The following CTBP2 variants were observed in gnomAD, a reference collection of about 807,000 sequenced individuals.
CTBP2 encodes C-terminal-binding protein 2.
In CTBP2, 30 loss-of-function variants were observed where a neutral mutation model predicts 80.3. That is an observed-to-expected ratio of 0.37 (90% CI 0.28 to 0.51). The LOEUF (loss-of-function observed/expected upper bound fraction) is 0.51, where lower values mean the gene tolerates loss of function less well. Among genes scored for constraint, CTBP2 ranks in the 20% least tolerant of loss-of-function variants. CTBP2 has a pLI of 0.93. For missense variants in CTBP2, 1,212 were observed against 1,375.3 expected (o/e 0.88, Z 1.88); for synonymous variants, 594 against 587.4 (o/e 1.01, Z -0.16).
chr10:125,123,543 T>C (rs561561386), intron 1 of CTBP2, among the ~76,000 whole-genome samples: 68 of 152,378 alleles, frequency 4.5e-4, no homozygotes, highest in African/African-American at 1.5e-3. Context: ...TTTTGGTTTA[T>C]GTGGTTTAGC....
chr10:125,069,277 T>C (rs1845098833), intron 2 of CTBP2, among the ~76,000 whole-genome samples: 1 of 152,204 alleles, frequency 6.6e-6, no homozygotes, highest in South Asian at 2.1e-4. Context: ...GTATTGGAAT[T>C]AGTCCAACTT....
At chr10:125,132,832 C>T (rs1489303745) in intron 1 of CTBP2, among the ~76,000 whole-genome samples, 2 of 152,200 alleles carry the variant, frequency 1.3e-5, no homozygotes, top group Admixed American at 6.5e-5. Flanking sequence ...ATTTGGTAAA[C>T]AGCAGAGTGC....
chr10:125,062,448 C>T (rs1045558715), intron 2 of CTBP2, among the ~76,000 whole-genome samples: 3 of 85,518 alleles, frequency 3.5e-5, no homozygotes, highest in African/African-American at 1.0e-4. Context: ...AACACTGTAA[C>T]GTGGGGACAA....
chr10:124,991,927 C>T (rs529337388), intron 8 of CTBP2, among the ~76,000 whole-genome samples: 225 of 148,730 alleles, frequency 1.5e-3, no homozygotes, highest in African/African-American at 5.1e-3. Context: ...CCGATTCGTG[C>T]ATGGAAAATA....
chr10:125,009,735 C>T lies in CTBP2; in HGVS notation c.1679-6243G>A, dbSNP rs192164886. 1.2e-4 allele frequency among the ~76,000 whole-genome samples: 18 copies of T among 152,294 alleles called. No homozygotes were observed. In the East Asian group the frequency reaches 1.7e-3, roughly 15 times the overall value. On this transcript the variant is annotated intron_variant, in intron 1 of 8. Transcript: ENST00000309035. ...TGGGGGCCAGATTCTGATGCTGGGA[C>T]GTACGCAAGTGCCTCTCAGACACTT...
At chr10:125,159,143 G>A (rs1271983146) in intron 1 of CTBP2, among the ~76,000 whole-genome samples, 1 of 151,004 alleles carries the variant, frequency 6.6e-6, no homozygotes, top group Non-Finnish European at 1.5e-5. Context: ...TCGGCCGCGC[G>A]GGGCCGTCCG....
chr10:125,151,551 CG>C (rs1859876002), intron 1 of CTBP2, among the ~76,000 whole-genome samples: 1 of 152,220 alleles, frequency 6.6e-6, no homozygotes, highest in African/African-American at 2.4e-5. Context: ...GAAATGATGC[CG>C]CTGTTTACCG....
chr10:125,046,580 T>C (rs1049382046), intron 2 of CTBP2, among the ~76,000 whole-genome samples: 1 of 147,478 alleles, frequency 6.8e-6, no homozygotes, highest in African/African-American at 2.5e-5. Context: ...GGCTAAGGAA[T>C]GTGGATCTGT....
At chr10:125,062,471 C>T (rs568145647) in intron 2 of CTBP2, among the ~76,000 whole-genome samples, 2 of 136,614 alleles carry the variant, frequency 1.5e-5, no homozygotes, top group East Asian at 2.2e-4. Flanking sequence ...CTGAAGGCTG[C>T]GGGGAGGTTC....
At chr10:125,108,530 T>C (rs1851803069) in intron 2 of CTBP2, among the ~76,000 whole-genome samples, 1 of 152,220 alleles carries the variant, frequency 6.6e-6, no homozygotes, top group Non-Finnish European at 1.5e-5. Context: ...CAATCCCACA[T>C]GACCTCCTTG....
At chr10:125,050,129 T>C (rs1962360614) in intron 2 of CTBP2, among the ~76,000 whole-genome samples, 1 of 152,202 alleles carries the variant, frequency 6.6e-6, no homozygotes, top group Admixed American at 6.5e-5. Flanking sequence ...GGATTATGTT[T>C]GCTTTATGAG....
At chr10:125,159,744 C>T (rs1591174782) in intron 1 of CTBP2, 2 of 149,582 alleles carry the variant, frequency 1.3e-5, no homozygotes, top group African/African-American at 2.4e-5. Flanking sequence ...GCGCAAGGCC[C>T]GCCGCACCCC....
intron 1 of CTBP2, among the ~76,000 whole-genome samples, chr10:125,118,268 T>G (rs77159744): frequency 6.6e-6 from 1 of 152,204 alleles, no homozygotes; most frequent in African/African-American, 2.4e-5. Flanking sequence ...AAGGAGGAAC[T>G]TGAAGCCCTT....
intron 1 of CTBP2, among the ~76,000 whole-genome samples, chr10:125,005,357 A>G (rs1443909823): frequency 6.6e-6 from 1 of 152,082 alleles, no homozygotes; most frequent in Non-Finnish European, 1.5e-5. Context: ...CCTGAGCGGC[A>G]GCTGCACCTG....
chr10:125,084,170 G>T (rs1404513819), intron 2 of CTBP2, among the ~76,000 whole-genome samples: 1 of 152,144 alleles, frequency 6.6e-6, no homozygotes, highest in East Asian at 1.9e-4. Flanking sequence ...GCCCATGCTG[G>T]TCTTGAACTT....
At chr10:125,088,644 C>T (rs1398970129) in intron 2 of CTBP2, among the ~76,000 whole-genome samples, 2 of 152,170 alleles carry the variant, frequency 1.3e-5, no homozygotes, top group Non-Finnish European at 2.9e-5. Flanking sequence ...GTCCACATCA[C>T]CTGAAAATGT....
chr10:125,053,232 T>C (rs1473900449), intron 2 of CTBP2, among the ~76,000 whole-genome samples: 3 of 152,020 alleles, frequency 2.0e-5, no homozygotes, highest in Admixed American at 6.6e-5. Flanking sequence ...GGTTCATCTC[T>C]GGAGGGCCGG....
At chr10:125,065,483 G>A (rs114033670) in intron 2 of CTBP2, among the ~76,000 whole-genome samples, 1,789 of 152,302 alleles carry the variant, frequency 0.012, 26 homozygotes, top group African/African-American at 0.034. Flanking sequence ...TGGGGAAGGC[G>A]AGGTGGCGAA....
chr10:125,005,153 C>A (rs1394853358), intron 1 of CTBP2, among the ~76,000 whole-genome samples: 1 of 152,266 alleles, frequency 6.6e-6, no homozygotes, highest in African/African-American at 2.4e-5. Flanking sequence ...ACCAGCCCTG[C>A]ATGGAAGGCC....
Sources: allele counts gnomAD v4.1 joint callset (sites outside exome capture counted in the v4.1 genomes callset), GRCh38; gene constraint gnomAD v4.1.1; transcripts MANE v1.5; gene names NCBI Gene and HGNC (gene_info 2026-07-23, HGNC 2026-07-21).